The following SLC12A8 variants were observed in gnomAD, a reference collection of about 807,000 sequenced individuals.
SLC12A8 encodes solute carrier family 12 member 8, also known as cation-chloride cotransporter 9.
Under a neutral mutation model 75.6 loss-of-function variants are expected in SLC12A8, and 69 were observed. The ratio of observed to expected loss-of-function variants is 0.91; its 90% confidence interval spans 0.75 to 1.11. The LOEUF is 1.11. Ranked by LOEUF, SLC12A8 falls within the 50% of genes most tolerant of loss-of-function variation. SLC12A8 has a pLI of 0.00. For missense variants in SLC12A8, 877 were observed against 896.7 expected, an observed-to-expected ratio of 0.98 and a Z score of 0.28; for synonymous variants, 365 against 372.8, an observed-to-expected ratio of 0.98 and a Z score of 0.24.
intron 13 of SLC12A8, among the ~76,000 whole-genome samples, chr3:125,086,127 C>G (rs1375299311): frequency 1.3e-5 from 2 of 152,126 alleles, no homozygotes; most frequent in Non-Finnish European, 2.9e-5. Flanking sequence ...GGTGATCTAC[C>G]CGCCTCAGCC....
chr3:125,183,757 C>T (rs1243680202), intron 4 of SLC12A8, among the ~76,000 whole-genome samples: 1 of 152,006 alleles, frequency 6.6e-6, no homozygotes, highest in Non-Finnish European at 1.5e-5. Flanking sequence ...TTTTGGTGTT[C>T]AGGGTAAACA....
At chr3:125,194,856 A>G (rs1934975541) in intron 2 of SLC12A8, among the ~76,000 whole-genome samples, 1 of 152,266 alleles carries the variant, frequency 6.6e-6, no homozygotes, top group Non-Finnish European at 1.5e-5. Flanking sequence ...TTAATTAAAC[A>G]TCAGAGAATA....
chr3:125,102,242 G>A (rs938449275), intron 10 of SLC12A8, among the ~76,000 whole-genome samples: 4 of 152,134 alleles, frequency 2.6e-5, no homozygotes, highest in Non-Finnish European at 4.4e-5. Flanking sequence ...GAAGGGGGAG[G>A]TGAAGCAATC....
Position 125,156,608 on chromosome 3 carries a change from G to A in SLC12A8, c.623-20826C>T, listed in dbSNP as rs997163361. Among the ~76,000 whole-genome samples, 44 of 152,196 alleles carry A rather than the reference G, an allele frequency of 2.9e-4. 1 individual carries two copies. The highest frequency in any genetic ancestry group is 2.0e-4 in the Admixed American group (3 of 15,284). On this transcript the variant is annotated intron_variant, in intron 5 of 13. Coordinates refer to ENST00000469902, the MANE Select transcript of SLC12A8 (RefSeq NM_024628.6). ...GGACCAAAGATGGGATGAGAGGTGGGATGAGAAGGGCGGGAATGGAAACAA... is the reference window on the plus strand; with the variant it reads ...GGACCAAAGATGGGATGAGAGGTGGAATGAGAAGGGCGGGAATGGAAACAA...
chr3:125,158,894 C>T (rs192654356), intron 5 of SLC12A8, among the ~76,000 whole-genome samples: 32 of 152,076 alleles, frequency 2.1e-4, no homozygotes, highest in African/African-American at 7.5e-4. Context: ...ATATCTCTTC[C>T]ATGATACCAT....
In SLC12A8 at chr3:125,120,660, C is replaced by T. The variant is rs1291286925; in HGVS notation, c.763G>A (p.Gly255Ser). The change falls in exon 7 of 14, where the codon GGC (glycine) becomes AGC (serine). Residue 255 changes from glycine (G) to serine (S), a missense_variant. Transcript: ENST00000469902. ...CTGGCGGCAGGCTCCCTGAGGTCGC[C>T]CCCCATGTTGAAGCCGGCCATGACT... Reference protein sequence around the residue: ...TGVMAGFNMGGDLREPAASIP... With the variant: ...TGVMAGFNMGSDLREPAASIP... 5.6e-6 allele frequency: 9 copies of T among 1,613,624 alleles called. No individual in the cohort carries two copies. Among genetic ancestry groups the T allele is most frequent in the Non-Finnish European group, 6.8e-6 (8 of 1,179,882 alleles).
chr3:125,091,395 A>C, intron 12 of SLC12A8, 44 bp downstream of exon 12: 1 of 1,257,522 alleles, frequency 8.0e-7, no homozygotes, highest in Non-Finnish European at 1.2e-6. Flanking sequence ...AATGAATGGT[A>C]GAGAGAATGA....
rs1934573707 is a variant in SLC12A8 at position 125,177,897 on chromosome 3, A to G, written c.468T>C (p.Ala156=). The change falls in exon 5 of 14, where the codon GCT becomes GCC. Residue 156 remains alanine (A), a synonymous_variant. Coordinates refer to ENST00000469902, the MANE Select transcript of SLC12A8 (RefSeq NM_024628.6). The stretch of plus-strand genomic sequence containing the variant: ...GCACCGCAACTGAAATTCCTCGCAC[A>G]GCCCAGATATTCCCGAGGCCCAGCA... ...SDLLGLGNIW[A]VRGISVAVLL... The G allele has an allele frequency of 6.2e-7, 1 of 1,614,102 alleles. No individual in the cohort carries two copies. Among genetic ancestry groups the G allele is most frequent in the Non-Finnish European group, 8.5e-7 (1 of 1,180,040 alleles).
At position 125,185,536 on chromosome 3, in the gene SLC12A8, T is replaced by C. The variant is rs7627278; in HGVS notation, c.390+1701A>G. Among the ~76,000 whole-genome samples the C allele has an allele frequency of 8.9e-3, 1,346 of 152,078 alleles. 17 individuals are homozygous for C. Among genetic ancestry groups the C allele is most frequent in the African/African-American group, 0.031 (1,269 of 41,476 alleles). Reference sequence around the variant, plus strand: ...ATGGCTTCATGGCAAAATTCTACCATATGTTTAAAGAATTAACACCAACCC... The same window carrying C: ...ATGGCTTCATGGCAAAATTCTACCACATGTTTAAAGAATTAACACCAACCC... On this transcript the variant is annotated intron_variant, in intron 4 of 13. Coordinates refer to ENST00000469902, the MANE Select transcript of SLC12A8 (RefSeq NM_024628.6).
intron 10 of SLC12A8, among the ~76,000 whole-genome samples, chr3:125,094,818 T>G (rs890992346): frequency 3.9e-5 from 6 of 152,336 alleles, no homozygotes; most frequent in Non-Finnish European, 8.8e-5. Flanking sequence ...AAACTACTCT[T>G]ACCAAAGTTG....
At chr3:125,152,164 G>A (rs753304132) in intron 5 of SLC12A8, among the ~76,000 whole-genome samples, 1 of 152,226 alleles carries the variant, frequency 6.6e-6, no homozygotes, top group Admixed American at 6.5e-5. Flanking sequence ...AGTTACTGGG[G>A]CAGAGAAAGC....
At chr3:125,108,206 AAC>A (rs1197797131) in intron 9 of SLC12A8, 80 bp from the exon 10 acceptor site, 2 of 1,399,940 alleles carry the variant, frequency 1.4e-6, no homozygotes, top group Non-Finnish European at 1.9e-6. Flanking sequence ...ACAGGCTAGA[AAC>A]ACAACTCATA....
intron 6 of SLC12A8, among the ~76,000 whole-genome samples, chr3:125,123,371 GAAAAAAAAA>G (rs34868769): frequency 2.9e-5 from 3 of 103,948 alleles, no homozygotes; most frequent in African/African-American, 1.1e-4. Flanking sequence ...TCCATCTCAG[GAAAAAAAAA>G]AAAAAAAAAA....
rs1938362831 is a variant in SLC12A8, at chr3:125,082,914, A to C, written c.*976T>G. The C allele has an allele frequency of 6.6e-6, 1 of 152,244 alleles. No homozygotes were observed. The allele number at this position is 152,244 out of a possible 1,614,324, so 9.4% of individuals were successfully genotyped here. ...ATGAACAAATGGCATATGAATTGATATGAAATGTCTCCAAGATAGATTGTT... is the reference window on the plus strand; with the variant it reads ...ATGAACAAATGGCATATGAATTGATCTGAAATGTCTCCAAGATAGATTGTT... On this transcript the variant is annotated 3_prime_UTR_variant, in exon 14 of 14. Transcript: ENST00000469902.
chr3:125,155,097 C>T (rs768145374), intron 5 of SLC12A8: 5 of 152,146 alleles, frequency 3.3e-5, no homozygotes, highest in African/African-American at 4.8e-5. Flanking sequence ...CAATTTAAAA[C>T]GTATGAACTG....
intron 5 of SLC12A8, chr3:125,154,934 C>T (rs1475345509): frequency 6.6e-6 from 1 of 152,112 alleles, no homozygotes; most frequent in Non-Finnish European, 1.5e-5. Flanking sequence ...CGAGCTCAAG[C>T]CCTCTGCTAC....
intron 9 of SLC12A8, among the ~76,000 whole-genome samples, chr3:125,108,908 C>T (rs1939108943): frequency 6.6e-6 from 1 of 152,166 alleles, no homozygotes; most frequent in Non-Finnish European, 1.5e-5. Context: ...ACACACATTA[C>T]ACACACCTGT....
In SLC12A8 at chr3:125,155,264, A is replaced by G. The variant is rs1197750301; in HGVS notation, c.623-19482T>C. Among the ~76,000 whole-genome samples the G allele has an allele frequency of 6.6e-5, 10 of 152,162 alleles. No individual in the cohort carries two copies. The East Asian group carries it at 1.9e-3, about 29-fold the overall frequency. ...TTCAAATCTTAAATTCAAGAAATGT[A>G]CAGCAATGTGAATTGACCCAGGACT... On this transcript the variant is annotated intron_variant, in intron 5 of 13. Transcript: ENST00000469902.
At chr3:125,177,303 C>T (rs1203173975) in intron 5 of SLC12A8, among the ~76,000 whole-genome samples, 1 of 133,954 alleles carries the variant, frequency 7.5e-6, no homozygotes, top group Non-Finnish European at 1.5e-5. Flanking sequence ...GGAAGGGGAA[C>T]ATCACACACC....
Sources: gnomAD v4.1 joint callset for allele counts (sites outside exome capture counted in the v4.1 genomes callset) on GRCh38, gnomAD v4.1.1 for gene constraint, MANE v1.5 for transcripts, NCBI Gene and HGNC (gene_info 2026-07-23, HGNC 2026-07-21) for gene names.